The following ARHGEF28 variants were observed in gnomAD, a reference collection of about 807,000 sequenced individuals.
ARHGEF28 encodes the protein Rho guanine nucleotide exchange factor 28, also known as 190 kDa guanine nucleotide exchange factor.
Under a neutral mutation model 206.6 loss-of-function variants are expected in ARHGEF28, and 152 were observed. The observed-to-expected ratio is 0.74, with a 90% CI of 0.64 to 0.84. ARHGEF28 has a LOEUF of 0.84. Ranked by LOEUF, ARHGEF28 falls within the 40% of genes least tolerant of loss-of-function variation. The probability of loss-of-function intolerance (pLI) is 0.00; values close to 1 mark genes in which losing one functional copy is unlikely to be tolerated. For synonymous variants in ARHGEF28, 763 were observed against 776.4 expected (o/e 0.98, Z 0.29); for missense variants, 2,028 against 2,073.2 (o/e 0.98, Z 0.42).
At chr5:73,788,061 G>A (rs954491491) in intron 7 of ARHGEF28, among the ~76,000 whole-genome samples, 13 of 152,066 alleles carry the variant, frequency 8.5e-5, no homozygotes, top group African/African-American at 3.1e-4. Flanking sequence ...TCACCTAGAT[G>A]CAACACATTT....
intron 2 of ARHGEF28, among the ~76,000 whole-genome samples, chr5:73,723,806 T>C (rs773110148): frequency 1.3e-5 from 2 of 152,224 alleles, no homozygotes; most frequent in Non-Finnish European, 2.9e-5. Context: ...TGAATTGGCC[T>C]TGTGACTATT....
intron 2 of ARHGEF28, among the ~76,000 whole-genome samples, chr5:73,704,028 A>AG (rs1210671081): frequency 1.3e-5 from 2 of 151,338 alleles, no homozygotes; most frequent in Non-Finnish European, 2.9e-5. Context: ...TGTCTAAAAA[A>AG]AAAAAAAATT....
At chr5:73,671,848 C>T (rs970307001) in intron 1 of ARHGEF28, among the ~76,000 whole-genome samples, 3 of 142,660 alleles carry the variant, frequency 2.1e-5, no homozygotes, top group African/African-American at 7.7e-5. Context: ...CTCCGCCTCC[C>T]GGTTTCAAGC....
chr5:73,740,626 G>A (rs762270214), intron 2 of ARHGEF28, among the ~76,000 whole-genome samples: 1 of 152,138 alleles, frequency 6.6e-6, no homozygotes, highest in Non-Finnish European at 1.5e-5. Context: ...ATTTACCCAT[G>A]AGTCGTCTCT....
chr5:73,893,371 A>G (rs551549696), intron 28 of ARHGEF28, 83 bp downstream of exon 28: 2 of 1,127,072 alleles, frequency 1.8e-6, no homozygotes, highest in African/African-American at 1.6e-5. Flanking sequence ...ACAGGAGGTT[A>G]TAACTACATG....
intron 10 of ARHGEF28, among the ~76,000 whole-genome samples, chr5:73,840,259 G>C (rs1014758536): frequency 6.6e-6 from 1 of 152,016 alleles, no homozygotes; most frequent in Non-Finnish European, 1.5e-5. Flanking sequence ...GATTACAGGC[G>C]CCCGCCACCA....
At chr5:73,739,834 AAT>A (rs375433884) in intron 2 of ARHGEF28, among the ~76,000 whole-genome samples, 23 of 84,356 alleles carry the variant, frequency 2.7e-4, no homozygotes, top group African/African-American at 5.2e-4. Flanking sequence ...AATAAAAATA[AAT>A]AAATAAATAA....
intron 17 of ARHGEF28, among the ~76,000 whole-genome samples, chr5:73,865,299 A>C (rs2112627361): frequency 6.7e-6 from 1 of 150,348 alleles, no homozygotes; most frequent in East Asian, 1.9e-4. Context: ...ATTTCTAACA[A>C]GTTTGCAGGT....
chr5:73,710,632 C>T (rs927193388), intron 2 of ARHGEF28, among the ~76,000 whole-genome samples: 5 of 152,138 alleles, frequency 3.3e-5, no homozygotes, highest in African/African-American at 1.2e-4. Context: ...CAAGGTCATG[C>T]AGAGTTTTAA....
At chr5:73,922,101 C>CT (rs1439035546) in intron 35 of ARHGEF28, among the ~76,000 whole-genome samples, 1 of 152,228 alleles carries the variant, frequency 6.6e-6, no homozygotes, top group African/African-American at 2.4e-5. Context: ...AGCCTTAAGA[C>CT]TTTCTTGTGG....
intron 35 of ARHGEF28, among the ~76,000 whole-genome samples, chr5:73,938,424 A>G (rs1474600509): frequency 3.3e-5 from 5 of 152,142 alleles, no homozygotes; most frequent in African/African-American, 1.2e-4. Flanking sequence ...ACCTACATAG[A>G]TTAAGGGCTT....
chr5:73,933,413 A>G (rs1307553101), intron 35 of ARHGEF28, among the ~76,000 whole-genome samples: 1 of 152,232 alleles, frequency 6.6e-6, no homozygotes, highest in East Asian at 1.9e-4. Context: ...CTAAATAGAT[A>G]TAAATCCATA....
chr5:73,869,268 A>G (rs1759926186), intron 20 of ARHGEF28, among the ~76,000 whole-genome samples: 1 of 151,122 alleles, frequency 6.6e-6, no homozygotes, highest in South Asian at 2.1e-4. Flanking sequence ...GTTTGTTTGT[A>G]ATTTCATCAG....
At chr5:73,780,555 C>CT in intron 6 of ARHGEF28, 121 bp from the exon 7 acceptor site, 1 of 1,050,702 alleles carries the variant, frequency 9.5e-7, no homozygotes. Context: ...CACCCACCCT[C>CT]TATTTCCCAA....
chr5:73,926,315 G>C (rs1487950079), intron 35 of ARHGEF28, among the ~76,000 whole-genome samples: 2 of 152,134 alleles, frequency 1.3e-5, no homozygotes, highest in Non-Finnish European at 2.9e-5. Flanking sequence ...CCTTCTTACT[G>C]TGCTCTTGGA....
intron 4 of ARHGEF28, among the ~76,000 whole-genome samples, chr5:73,767,916 T>G (rs893092190): frequency 6.6e-6 from 1 of 152,062 alleles, no homozygotes; most frequent in Non-Finnish European, 1.5e-5. Context: ...AGGGTCCCCA[T>G]GTTGTGCAGC....
chr5:73,829,543 C>T (rs561418290), intron 9 of ARHGEF28, among the ~76,000 whole-genome samples: 1 of 152,162 alleles, frequency 6.6e-6, no homozygotes, highest in Non-Finnish European at 1.5e-5. Flanking sequence ...CCATGCCCGG[C>T]TAATTTTTTA....
intron 2 of ARHGEF28, among the ~76,000 whole-genome samples, chr5:73,719,354 T>C (rs1749777896): frequency 6.8e-6 from 1 of 147,390 alleles, no homozygotes. Context: ...GAGCTTGCAG[T>C]GAGCCGAGAT....
rs1762401580 is a variant in ARHGEF28 at position 73,903,759 on chromosome 5, C to T, written c.4075-463C>T. ...TCCCAACTGCTGTATATGTTGATAT[C>T]GTGAATCTCAAACATTGAGAAAAGG... On this transcript the variant is annotated intron_variant, in intron 31 of 35. Transcript: ENST00000513042. 5.5e-5 allele frequency: 9 copies of T among 164,170 alleles called. No homozygotes were observed. In the South Asian group the frequency reaches 1.3e-3, roughly 25 times the overall value. 10.2% of individuals were successfully genotyped at this position (164,170 alleles called of 1,614,324 possible). A position where few individuals can be genotyped will look rare whatever the true frequency, so the allele number is the denominator to read the frequency against.
Sources: allele counts gnomAD v4.1 joint callset (sites outside exome capture counted in the v4.1 genomes callset), GRCh38; gene constraint gnomAD v4.1.1; transcripts MANE v1.5; gene names NCBI Gene and HGNC (gene_info 2026-07-23, HGNC 2026-07-21).